HLCS: variants seen among roughly 807,000 people sequenced by gnomAD.
HLCS encodes holocarboxylase synthetase, also known as biotin--protein ligase.
In HLCS, 53 loss-of-function variants were observed where a neutral mutation model predicts 75.0. The ratio of observed to expected loss-of-function variants is 0.71; its 90% CI spans 0.57 to 0.89. The LOEUF is 0.89. Ranked by LOEUF, HLCS falls within the 40% of genes least tolerant of loss-of-function variation. The probability of loss-of-function intolerance (pLI) is 0.00; values close to 1 mark genes in which losing one functional copy is unlikely to be tolerated. For synonymous variants in HLCS, 431 were observed against 428.6 expected, an observed-to-expected ratio of 1.01 and a Z score of -0.07; for missense variants, 966 against 1,074.0, an observed-to-expected ratio of 0.90 and a Z score of 1.41.
At chr21:36,931,485 C>G (rs996882161) in intron 4 of HLCS, among the ~76,000 whole-genome samples, 1 of 152,098 alleles carries the variant, frequency 6.6e-6, no homozygotes, top group Non-Finnish European at 1.5e-5. Flanking sequence ...TATAAAGGCT[C>G]ACACCTGTAA....
At chr21:36,828,366 GGAAT>G (rs55892136) in intron 6 of HLCS, among the ~76,000 whole-genome samples, 24,760 of 150,964 alleles carry the variant, frequency 0.16, 2,048 homozygotes, top group Admixed American at 0.22. Flanking sequence ...AGAAGTGTGT[GGAAT>G]GAATGAATGA....
At chr21:36,897,746 G>A (rs1247454228) in intron 5 of HLCS, among the ~76,000 whole-genome samples, 1 of 152,188 alleles carries the variant, frequency 6.6e-6, no homozygotes, top group Non-Finnish European at 1.5e-5. Context: ...GTACAAGGAG[G>A]AGAAGGAAGG....
intron 6 of HLCS, among the ~76,000 whole-genome samples, chr21:36,811,360 A>C (rs1240110794): frequency 6.6e-6 from 1 of 152,196 alleles, no homozygotes; most frequent in African/African-American, 2.4e-5. Context: ...TGAACAATAT[A>C]TATCACTTCA....
intron 6 of HLCS, among the ~76,000 whole-genome samples, chr21:36,870,899 C>A (rs1372654125): frequency 6.6e-6 from 1 of 152,188 alleles, no homozygotes; most frequent in Non-Finnish European, 1.5e-5. Flanking sequence ...TACACCCCAG[C>A]CCTGGCCCCC....
intron 2 of HLCS, among the ~76,000 whole-genome samples, chr21:36,958,863 C>A (rs2068118532): frequency 6.6e-6 from 1 of 152,180 alleles, no homozygotes; most frequent in Non-Finnish European, 1.5e-5. Context: ...GTCATTTAAT[C>A]TTATAACCTA....
chr21:36,761,116 G>T (rs935013193), intron 8 of HLCS, among the ~76,000 whole-genome samples: 6 of 152,220 alleles, frequency 3.9e-5, no homozygotes, highest in African/African-American at 1.4e-4. Context: ...ATTAGTCTAC[G>T]TGTTACTCAC....
At chr21:36,939,108 C>T (rs193226929) in intron 2 of HLCS, 114 bp from the exon 3 acceptor site, 2 of 901,946 alleles carry the variant, frequency 2.2e-6, no homozygotes, top group South Asian at 1.7e-5. Flanking sequence ...AAATTACAGT[C>T]ATTAATAACA....
chr21:36,962,961 C>G (rs2068383948), intron 1 of HLCS, among the ~76,000 whole-genome samples: 1 of 152,104 alleles, frequency 6.6e-6, no homozygotes, highest in Admixed American at 6.5e-5. Context: ...TGAAATCAAC[C>G]CTGCTCCTCT....
At chr21:36,857,991 T>C (rs1342603682) in intron 6 of HLCS, among the ~76,000 whole-genome samples, 3 of 152,084 alleles carry the variant, frequency 2.0e-5, no homozygotes, top group Admixed American at 6.5e-5. Context: ...GGTTTCACCA[T>C]ATTGGCCAGG....
intron 6 of HLCS, among the ~76,000 whole-genome samples, chr21:36,768,874 CA>C (rs1386153574): frequency 3.3e-5 from 5 of 152,196 alleles, no homozygotes; most frequent in Non-Finnish European, 5.9e-5. Context: ...AGGGAGTTAA[CA>C]TTGTCTTTCA....
At position 36,937,350 on chromosome 21, in the gene HLCS, T is replaced by C; in HGVS notation, c.536A>G (p.Gln179Arg). ...QDSTLKEVKD[Q>R]VSNKQAQILE... ...GATCTGGGCTTGCTTGTTTGAGACC[T>C]GATCCTTAACTTCCTTCAGAGTGGA... The change falls in exon 4 of 11, where the codon CAG becomes CGG. Residue 179 changes from glutamine (Q) to arginine (R), a missense_variant. By Grantham distance (43) the Gln-to-Arg change is conservative. Transcript: ENST00000674895. 6.2e-7 allele frequency: 1 copy of C among 1,614,042 alleles called. No homozygotes were observed. Among genetic ancestry groups the C allele is most frequent in the Non-Finnish European group, 8.5e-7 (1 of 1,180,044 alleles).
rs148643804 is a variant in HLCS at position 36,900,899 on chromosome 21, A to G, written c.1621-3768T>C. Among the ~76,000 whole-genome samples, 84 of 152,342 alleles carry G rather than the reference A, an allele frequency of 5.5e-4. 1 individual carries two copies. In the East Asian group the frequency reaches 0.016, roughly 29 times the overall value. ...ATCTGCTGCTGGAAATACTATAGGA[A>G]GAGCAGGTTTGGAGAGGAAGAGGCA... On this transcript the variant is annotated intron_variant, in intron 5 of 10. Coordinates refer to ENST00000674895, the MANE Select transcript of HLCS (RefSeq NM_001352514.2).
chr21:36,896,895 G>A lies in HLCS; in HGVS notation c.1857C>T (p.Ala619=), dbSNP rs759178651. ...GACGCATCGTTGTGGGGGTCACTTC[G>A]GCAAACAAAATTACTTTCCCCAACT... is the stretch of plus-strand genomic sequence containing the variant. ...TKQLGKVILF[A]EVTPTTMRLL... Residue 619 remains alanine, a synonymous_variant, in exon 6 of 11, where the codon GCC becomes GCT. Transcript: ENST00000674895. 1.6e-5 allele frequency: 26 copies of A among 1,614,078 alleles called. No individual in the cohort carries two copies. The highest frequency in any genetic ancestry group is 2.0e-5 in the Non-Finnish European group (24 of 1,180,006).
chr21:36,802,908 G>A (rs1280609793), intron 6 of HLCS, among the ~76,000 whole-genome samples: 1 of 152,158 alleles, frequency 6.6e-6, no homozygotes, highest in Admixed American at 6.5e-5. Context: ...TTAATATCCT[G>A]ATAATCTCAA....
chr21:36,872,135 C>T (rs894300884), intron 6 of HLCS, among the ~76,000 whole-genome samples: 5 of 152,072 alleles, frequency 3.3e-5, no homozygotes, highest in African/African-American at 9.7e-5. Context: ...TTTAATACTT[C>T]AGCTGGGCTG....
chr21:36,924,631 G>C (rs563466911), intron 5 of HLCS, among the ~76,000 whole-genome samples: 1 of 152,070 alleles, frequency 6.6e-6, no homozygotes, highest in African/African-American at 2.4e-5. Context: ...TTCCTCTCCC[G>C]GGGGCAAGGA....
At chr21:36,764,249 T>C (rs558665909) in intron 8 of HLCS, among the ~76,000 whole-genome samples, 2 of 152,226 alleles carry the variant, frequency 1.3e-5, no homozygotes, top group African/African-American at 4.8e-5. Flanking sequence ...ACACAAAAAC[T>C]AGCTGTGTGT....
intron 6 of HLCS, among the ~76,000 whole-genome samples, chr21:36,890,424 C>T (rs2064730417): frequency 1.3e-5 from 2 of 152,180 alleles, no homozygotes. Flanking sequence ...GGGGAAAGCG[C>T]ATCACTAACG....
intron 6 of HLCS, among the ~76,000 whole-genome samples, chr21:36,861,332 G>A (rs968842819): frequency 1.4e-4 from 22 of 152,234 alleles, no homozygotes; most frequent in Non-Finnish European, 3.1e-4. Context: ...AAGCTCTCAG[G>A]TGCTTCCAGA....
Sources: allele counts gnomAD v4.1 joint callset (sites outside exome capture counted in the v4.1 genomes callset), GRCh38; gene constraint gnomAD v4.1.1; transcripts MANE v1.5; gene names NCBI Gene and HGNC (gene_info 2026-07-23, HGNC 2026-07-21).